Variants in NFATC1 observed in about 807,000 individuals in gnomAD.
The protein encoded by NFATC1 is nuclear factor of activated T-cells, cytoplasmic 1.
In NFATC1, 22 loss-of-function variants were observed where a neutral mutation model predicts 76.0. The observed-to-expected ratio is 0.29, with a 90% CI of 0.21 to 0.41. NFATC1 has a LOEUF of 0.41. Ranked by LOEUF, NFATC1 falls within the 10% of genes least tolerant of loss-of-function variation. NFATC1 has a pLI of 1.00. For synonymous variants in NFATC1, 704 were observed against 613.1 expected, an observed-to-expected ratio of 1.15 and a Z score of -2.19; for missense variants, 1,357 against 1,337.7, an observed-to-expected ratio of 1.01 and a Z score of -0.23.
At chr18:79,479,799 G>A (rs908682463) in intron 8 of NFATC1, among the ~76,000 whole-genome samples, 13 of 152,350 alleles carry the variant, frequency 8.5e-5, no homozygotes, top group East Asian at 5.8e-4. Context: ...GCTGTGCTTC[G>A]CGGCAGTGCC....
intron 8 of NFATC1, chr18:79,468,086 C>G: frequency 2.7e-6 from 2 of 746,126 alleles, no homozygotes; most frequent in Non-Finnish European, 3.3e-6. Flanking sequence ...GTAACTTCAT[C>G]TCCTGGGACC....
At chr18:79,403,939 A>G (rs2085350156) in intron 1 of NFATC1, among the ~76,000 whole-genome samples, 1 of 152,344 alleles carries the variant, frequency 6.6e-6, no homozygotes, top group African/African-American at 2.4e-5. Flanking sequence ...GTTCAAGTTC[A>G]GTGTTTTAGG....
At chr18:79,400,470 G>A (rs1394599339) in intron 1 of NFATC1, 2 of 1,486,438 alleles carry the variant, frequency 1.3e-6, no homozygotes. Context: ...CGCCGCCGCG[G>A]CCGCCCCAGG....
chr18:79,405,570 C>T (rs535060701), intron 1 of NFATC1, among the ~76,000 whole-genome samples: 41 of 152,372 alleles, frequency 2.7e-4, no homozygotes, highest in South Asian at 1.9e-3. Context: ...TGGCCCCCGG[C>T]GTGTGGGGCT....
chr18:79,476,647 C>T (rs765106065), intron 8 of NFATC1, among the ~76,000 whole-genome samples: 5 of 152,166 alleles, frequency 3.3e-5, no homozygotes, highest in South Asian at 4.1e-4. Context: ...CGATGTTGCT[C>T]GGGGTCGACG....
rs778749775 is a variant in NFATC1, at chr18:79,451,092, G to A, written c.1728G>A (p.Leu576=). 29 of 1,612,834 alleles carry A rather than the reference G, an allele frequency of 1.8e-5. No homozygotes were observed. Among genetic ancestry groups the A allele is most frequent in the Middle Eastern group, 1.6e-4 (1 of 6,080 alleles). Residue 576 remains leucine, a synonymous_variant, in exon 5 of 10, where the codon CTG becomes CTA. Transcript: ENST00000427363. ...VHVPQPSGRT[L]SLQVASNPIE... is the part of the protein sequence containing the mutation. ...TCCCGCAACCCAGCGGCCGCACGCT[G>A]TCCCTGCAGGTGGCCTCCAACCCCA... is the stretch of plus-strand genomic sequence containing the variant.
chr18:79,515,021 G>T (rs922741091), intron 9 of NFATC1, among the ~76,000 whole-genome samples: 2 of 152,020 alleles, frequency 1.3e-5, no homozygotes, highest in Non-Finnish European at 2.9e-5. Flanking sequence ...ACCAGCCTGG[G>T]CAACAGACAG....
At chr18:79,401,064 T>C (rs1162202776) in intron 1 of NFATC1, among the ~76,000 whole-genome samples, 1 of 144,798 alleles carries the variant, frequency 6.9e-6, no homozygotes, top group Non-Finnish European at 1.5e-5. Context: ...TTCTCTTCTC[T>C]GTGTCAGAAA....
chr18:79,443,468 C>A (rs997652348), intron 3 of NFATC1, among the ~76,000 whole-genome samples: 3 of 152,212 alleles, frequency 2.0e-5, no homozygotes, highest in Admixed American at 1.3e-4. Flanking sequence ...ATGGACACGT[C>A]GTCCTGTTCC....
At chr18:79,514,246 C>T (rs913573961) in intron 9 of NFATC1, among the ~76,000 whole-genome samples, 1 of 152,062 alleles carries the variant, frequency 6.6e-6, no homozygotes, top group Non-Finnish European at 1.5e-5. Context: ...GGAGACCACC[C>T]TGGGGCAACA....
chr18:79,448,106 G>A (rs1023690267), intron 3 of NFATC1, among the ~76,000 whole-genome samples: 5 of 152,224 alleles, frequency 3.3e-5, no homozygotes, highest in Admixed American at 6.5e-5. Context: ...ACACGGCGCC[G>A]GCCGAGAAGC....
chr18:79,492,666 G>A (rs1201356495), intron 9 of NFATC1, among the ~76,000 whole-genome samples: 1 of 150,688 alleles, frequency 6.6e-6, no homozygotes, highest in Non-Finnish European at 1.5e-5. Context: ...CTGAGATCGC[G>A]CCACTGCACT....
intron 8 of NFATC1, among the ~76,000 whole-genome samples, chr18:79,479,747 G>A (rs903177837): frequency 6.6e-6 from 1 of 152,228 alleles, no homozygotes; most frequent in African/African-American, 2.4e-5. Flanking sequence ...GTGGGTGCCG[G>A]GTGCCTCGCG....
chr18:79,485,381 G>T (rs1426219193), intron 8 of NFATC1, among the ~76,000 whole-genome samples: 1 of 152,256 alleles, frequency 6.6e-6, no homozygotes, highest in African/African-American at 2.4e-5. Context: ...AGAGGCCTGA[G>T]ACCAACAGGA....
At chr18:79,513,615 A>G (rs913209352) in intron 9 of NFATC1, among the ~76,000 whole-genome samples, 1 of 152,250 alleles carries the variant, frequency 6.6e-6, no homozygotes, top group Admixed American at 6.5e-5. Context: ...GGGCAGCCCT[A>G]GAGAAGTACT....
At chr18:79,454,017 C>T (rs1189357272) in intron 6 of NFATC1, among the ~76,000 whole-genome samples, 2 of 152,212 alleles carry the variant, frequency 1.3e-5, no homozygotes, top group Non-Finnish European at 2.9e-5. Flanking sequence ...AAATTAAAAA[C>T]ACAGTTGCCC....
intron 6 of NFATC1, among the ~76,000 whole-genome samples, chr18:79,453,889 C>T (rs776902532): frequency 2.6e-5 from 4 of 152,238 alleles, no homozygotes; most frequent in Admixed American, 6.5e-5. Flanking sequence ...CCTCCACTTC[C>T]GGCTTCTCAG....
At chr18:79,397,892 G>T (rs1051102996) in intron 1 of NFATC1, among the ~76,000 whole-genome samples, 8 of 152,184 alleles carry the variant, frequency 5.3e-5, no homozygotes, top group African/African-American at 1.9e-4. Flanking sequence ...GCAGTGCGCC[G>T]GGCAGCGACG....
intron 9 of NFATC1, among the ~76,000 whole-genome samples, chr18:79,511,317 C>T (rs181270555): frequency 1.1e-4 from 17 of 152,308 alleles, no homozygotes; most frequent in Admixed American, 4.6e-4. Context: ...CCCCCCTCCC[C>T]GCTGCTTCCG....
Sources: gnomAD v4.1 joint callset for allele counts (sites outside exome capture counted in the v4.1 genomes callset) on GRCh38, gnomAD v4.1.1 for gene constraint, MANE v1.5 for transcripts, NCBI Gene and HGNC (gene_info 2026-07-23, HGNC 2026-07-21) for gene names.